The following SLC3A1 variants were observed in gnomAD, a reference collection of about 807,000 sequenced individuals.
The protein encoded by SLC3A1 is solute carrier family 3 member 1.
In SLC3A1, 78 loss-of-function variants were observed where a neutral mutation model predicts 60.3. The observed-to-expected ratio is 1.29, with a 90% CI of 1.08 to 1.56. The LOEUF is 1.56. Ranked by LOEUF, SLC3A1 falls within the 40% of genes most tolerant of loss-of-function variation. The probability of loss-of-function intolerance (pLI) is 0.00; values close to 1 mark genes in which losing one functional copy is unlikely to be tolerated. For missense variants in SLC3A1, 1,172 were observed against 858.9 expected (o/e 1.36, Z -4.56); for synonymous variants, 392 against 307.9 (o/e 1.27, Z -2.86).
At chr2:44,304,088 C>A in intron 6 of SLC3A1, 55 bp from the exon 7 acceptor site, 1 of 1,393,958 alleles carries the variant, frequency 7.2e-7, no homozygotes, top group Non-Finnish European at 1.0e-6. Context: ...CTGTGGAGTG[C>A]CTTCCCAGTC....
intron 7 of SLC3A1, among the ~76,000 whole-genome samples, chr2:44,307,539 G>A: frequency 6.7e-6 from 1 of 149,542 alleles, no homozygotes; most frequent in South Asian, 2.1e-4. Context: ...CCTTCCTACT[G>A]AGTGTCAAGT....
chr2:44,277,678 C>T (rs550839872), intron 1 of SLC3A1, among the ~76,000 whole-genome samples: 2 of 152,314 alleles, frequency 1.3e-5, no homozygotes, highest in African/African-American at 2.4e-5. Context: ...AATGCTCTGA[C>T]TGCATAGACC....
rs1671320605 is a variant in SLC3A1 at position 44,275,582 on chromosome 2, A to C, written c.47A>C (p.Lys16Thr). Residue 16 changes from lysine to threonine, a missense_variant, in exon 1 of 10, where the codon AAG becomes ACG. Physicochemically the swap from Lys to Thr is moderately conservative, Grantham distance 78. Coordinates refer to ENST00000260649, the MANE Select transcript of SLC3A1 (RefSeq NM_000341.4). ...AGAGACTCCATCGAGATGAGTATGA[A>C]GGGATGCCAGACAAACAACGGGTTT... ...SKRDSIEMSM[K>T]GCQTNNGFVH... 1 of 1,614,040 alleles carries C rather than the reference A, an allele frequency of 6.2e-7. No homozygotes were observed. The highest frequency in any genetic ancestry group is 1.3e-5 in the African/African-American group (1 of 74,928).
chr2:44,292,040 C>G (rs1385702729), intron 4 of SLC3A1, among the ~76,000 whole-genome samples: 1 of 152,196 alleles, frequency 6.6e-6, no homozygotes, highest in East Asian at 1.9e-4. Flanking sequence ...TTGGTTTTTA[C>G]TGGTCCTCCA....
At chr2:44,303,565 G>C (rs1042288545) in intron 6 of SLC3A1, among the ~76,000 whole-genome samples, 6 of 151,646 alleles carry the variant, frequency 4.0e-5, no homozygotes, top group Admixed American at 3.9e-4. Context: ...TTTTTGGGGG[G>C]GGTGGATTTT....
chr2:44,304,335 G>A lies in SLC3A1; in HGVS notation c.1329G>A (p.Trp443Ter). The change falls in exon 7 of 10, where the codon TGG becomes TGA. Residue 443 changes from tryptophan (W) to a stop codon, truncating the protein, a stop_gained. Coordinates refer to ENST00000260649, the MANE Select transcript of SLC3A1 (RefSeq NM_000341.4). LOFTEE classifies it high-confidence loss of function. The stretch of plus-strand genomic sequence containing the variant: ...TGCCAGAAGGAAAATGGCCTAACTG[G>A]ATGGTAAGTCCTCATGACAGCAGAG... ...ENMPEGKWPN[W>*]MIGGPDSSRL... 1 of 1,612,628 alleles carries A rather than the reference G, an allele frequency of 6.2e-7. No individual in the cohort carries two copies. Among genetic ancestry groups the A allele is most frequent in the South Asian group, 1.1e-5 (1 of 91,034 alleles).
intron 9 of SLC3A1, among the ~76,000 whole-genome samples, chr2:44,315,642 T>A (rs1372599594): frequency 4.8e-5 from 4 of 82,594 alleles, no homozygotes; most frequent in Admixed American, 4.0e-4. Flanking sequence ...GGTGCCAGAG[T>A]AAGACCGCCT....
intron 7 of SLC3A1, among the ~76,000 whole-genome samples, chr2:44,308,472 A>G (rs1453801702): frequency 6.6e-6 from 1 of 152,176 alleles, no homozygotes; most frequent in Non-Finnish European, 1.5e-5. Context: ...AGACAGATGT[A>G]TCTTATTTAG....
chr2:44,281,783 C>G (rs1328502903), intron 3 of SLC3A1, among the ~76,000 whole-genome samples: 1 of 152,092 alleles, frequency 6.6e-6, no homozygotes, highest in Non-Finnish European at 1.5e-5. Context: ...CCTATTTTCT[C>G]TCCTTCCACC....
At chr2:44,301,191 C>T (rs763419519) in intron 6 of SLC3A1, 64 bp downstream of exon 6, 2 of 1,594,506 alleles carry the variant, frequency 1.3e-6, no homozygotes, top group African/African-American at 1.3e-5. Context: ...GTGTATCCCT[C>T]ACAACCAAGT....
chr2:44,314,208 G>A (rs1473677618), intron 9 of SLC3A1: 3 of 874,562 alleles, frequency 3.4e-6, no homozygotes, highest in Admixed American at 3.0e-5. Flanking sequence ...CTTTACTAAG[G>A]CCTTTGAGCT....
intron 9 of SLC3A1, chr2:44,318,957 T>G (rs1184430874): frequency 6.6e-6 from 1 of 152,216 alleles, no homozygotes; most frequent in Non-Finnish European, 1.5e-5. Context: ...GACTTCAACA[T>G]ACTTTTAGAA....
intron 4 of SLC3A1, among the ~76,000 whole-genome samples, chr2:44,286,642 CTGTCTGTGACGGTGAGCTGTGCGG>C (rs1558456011): frequency 2.1e-5 from 3 of 140,776 alleles, no homozygotes; most frequent in African/African-American, 5.7e-5. Flanking sequence ...GAGCTGTGCA[CTGTCTGTGACGGTGAGCTGTGCGG>C]TGTCTGTGAC....
chr2:44,310,956 G>C (rs922729266), intron 7 of SLC3A1, among the ~76,000 whole-genome samples: 5 of 151,918 alleles, frequency 3.3e-5, no homozygotes, highest in Non-Finnish European at 7.4e-5. Context: ...CACCATGCCT[G>C]GCTAAATTTT....
intron 8 of SLC3A1, among the ~76,000 whole-genome samples, chr2:44,313,122 A>C (rs1672340410): frequency 6.6e-6 from 1 of 152,166 alleles, no homozygotes; most frequent in Non-Finnish European, 1.5e-5. Flanking sequence ...TCTACTTGAA[A>C]TGTGGAGTTA....
Position 44,304,303 on chromosome 2 carries a change from G to A in SLC3A1, c.1297G>A (p.Glu433Lys), listed in dbSNP as rs1456170162. Residue 433 changes from glutamate to lysine, a missense_variant, in exon 7 of 10, where the codon GAA becomes AAA. Glu to Lys is a moderately conservative substitution (Grantham distance 56). Coordinates refer to ENST00000260649, the MANE Select transcript of SLC3A1 (RefSeq NM_000341.4). Reference protein sequence around the residue: ...SVYEVITSWMENMPEGKWPNW... With the variant: ...SVYEVITSWMKNMPEGKWPNW... The stretch of plus-strand genomic sequence containing the variant: ...GTATGAGGTTATCACATCCTGGATG[G>A]AAAACATGCCAGAAGGAAAATGGCC... 13 of 1,614,182 alleles carry A rather than the reference G, an allele frequency of 8.1e-6. No homozygotes were observed. The highest frequency in any genetic ancestry group is 1.6e-4 in the Middle Eastern group (1 of 6,062).
intron 7 of SLC3A1, among the ~76,000 whole-genome samples, chr2:44,305,548 C>T (rs1394945901): frequency 6.6e-6 from 1 of 151,498 alleles, no homozygotes; most frequent in African/African-American, 2.4e-5. Flanking sequence ...CTGCCTCAGC[C>T]TCCTGAGTAG....
chr2:44,296,752 C>T (rs1234516868), intron 4 of SLC3A1, among the ~76,000 whole-genome samples: 3 of 152,158 alleles, frequency 2.0e-5, no homozygotes, highest in African/African-American at 7.2e-5. Flanking sequence ...TGTGTCCTCA[C>T]CCCAGTCTCA....
chr2:44,313,261 C>A (rs532790962), intron 8 of SLC3A1, among the ~76,000 whole-genome samples: 1 of 152,228 alleles, frequency 6.6e-6, no homozygotes, highest in South Asian at 2.1e-4. Context: ...TATTTTGTAG[C>A]TACAGATTTC....
Sources: allele counts gnomAD v4.1 joint callset (sites outside exome capture counted in the v4.1 genomes callset), GRCh38; gene constraint gnomAD v4.1.1; transcripts MANE v1.5; gene names NCBI Gene and HGNC (gene_info 2026-07-23, HGNC 2026-07-21).